The following TTC39C variants were observed in gnomAD, a reference collection of about 807,000 sequenced individuals.
The protein encoded by TTC39C is tetratricopeptide repeat protein 39C.
Under a neutral mutation model 76.3 loss-of-function variants are expected in TTC39C, and 33 were observed. The ratio of observed to expected loss-of-function variants is 0.43; its 90% CI spans 0.33 to 0.58. TTC39C has a LOEUF of 0.58. Ranked by LOEUF, TTC39C falls within the 20% of genes least tolerant of loss-of-function variation. The pLI, the probability that TTC39C is intolerant of heterozygous loss-of-function variation, is 0.04. For missense variants in TTC39C, 595 were observed against 701.4 expected (o/e 0.85, Z 1.71); for synonymous variants, 254 against 260.6 (o/e 0.97, Z 0.24).
At chr18:24,112,430 AACTTT>A (rs1322547815) in intron 6 of TTC39C, among the ~76,000 whole-genome samples, 2 of 152,202 alleles carry the variant, frequency 1.3e-5, no homozygotes, top group Non-Finnish European at 2.9e-5. Flanking sequence ...AACTTCTTTG[AACTTT>A]ACTTTCTTCA....
chr18:24,107,891 G>GGC (rs944941025), intron 6 of TTC39C, among the ~76,000 whole-genome samples: 3 of 145,352 alleles, frequency 2.1e-5, no homozygotes, highest in East Asian at 4.3e-4. Context: ...CCCAAGTAGG[G>GGC]GGGGGGGTAC....
At chr18:24,124,001 C>T (rs1463161044) in intron 9 of TTC39C, 58 bp downstream of exon 9, 12 of 1,313,940 alleles carry the variant, frequency 9.1e-6, no homozygotes, top group Middle Eastern at 2.1e-4. Context: ...GTAACCAACA[C>T]TGCCTTGGCA....
At chr18:24,128,169 T>A (rs4800547) in intron 10 of TTC39C, among the ~76,000 whole-genome samples, 2 of 152,028 alleles carry the variant, frequency 1.3e-5, no homozygotes, top group Non-Finnish European at 2.9e-5. Context: ...TCAATAAATA[T>A]TGAATGAATG....
intron 1 of TTC39C, among the ~76,000 whole-genome samples, chr18:24,059,624 A>G (rs2084065415): frequency 6.6e-6 from 1 of 152,202 alleles, no homozygotes; most frequent in Non-Finnish European, 1.5e-5. Flanking sequence ...ATTGATGGGC[A>G]TTTCGGTTGA....
intron 1 of TTC39C, among the ~76,000 whole-genome samples, chr18:24,045,914 TATATATATATATA>T (rs1390702135): frequency 2.0e-3 from 62 of 31,080 alleles, no homozygotes; most frequent in African/African-American, 6.0e-3. Context: ...TATATATATA[TATATATATATATA>T]TTTTTTTTTT....
chr18:24,045,285 C>A (rs368576939), intron 1 of TTC39C, among the ~76,000 whole-genome samples: 5 of 28,866 alleles, frequency 1.7e-4, no homozygotes, highest in African/African-American at 3.5e-4. Context: ...AAAAAAAAAG[C>A]ATGTAGCGTG....
At chr18:24,022,842 A>G (rs1226232179) in intron 1 of TTC39C, 1 of 985,332 alleles carries the variant, frequency 1.0e-6, no homozygotes. Context: ...TACGTCATCC[A>G]GCCAGGTATA....
intron 1 of TTC39C, among the ~76,000 whole-genome samples, chr18:24,045,292 C>T (rs1386429566): frequency 3.0e-5 from 4 of 133,320 alleles, no homozygotes; most frequent in East Asian, 2.1e-4. Flanking sequence ...AAGCATGTAG[C>T]GTGTCCAACC....
intron 6 of TTC39C, among the ~76,000 whole-genome samples, chr18:24,089,741 G>A (rs1350897830): frequency 6.6e-6 from 1 of 152,150 alleles, no homozygotes; most frequent in Non-Finnish European, 1.5e-5. Context: ...CTAAGGGTAG[G>A]GGGCAAAAGC....
At chr18:24,108,774 A>T (rs7241009) in intron 6 of TTC39C, among the ~76,000 whole-genome samples, 151,278 of 152,294 alleles carry the variant, frequency 0.99, 75,144 homozygotes, top group Middle Eastern at 1. Flanking sequence ...AACACGCATG[A>T]GTTTGTTTGG....
Position 24,135,064 on chromosome 18 carries a change from G to A in TTC39C, c.*2490G>A, listed in dbSNP as rs1433527424. ...GTTGCCCAGGCTGGAGTGCAGTGGT[G>A]TGATCTGTGCTCACTGCAACCTCTG... is the stretch of plus-strand genomic sequence containing the variant. On this transcript the variant is annotated 3_prime_UTR_variant, in exon 14 of 14. Transcript: ENST00000317571. The A allele has an allele frequency of 6.6e-6, 1 of 152,038 alleles. No homozygotes were observed. Among genetic ancestry groups the A allele is most frequent in the Non-Finnish European group, 1.5e-5 (1 of 68,024 alleles). 9.4% of individuals were successfully genotyped at this position (152,038 alleles called of 1,614,324 possible).
chr18:24,012,514 C>T (rs1241523411), upstream of TTC39C, among the ~76,000 whole-genome samples: 1 of 152,214 alleles, frequency 6.6e-6, no homozygotes, highest in Non-Finnish European at 1.5e-5. Flanking sequence ...AACTCATAAA[C>T]ATAGTGTCAT....
At chr18:24,019,119 C>T (rs1267089162) in intron 1 of TTC39C, among the ~76,000 whole-genome samples, 1 of 152,146 alleles carries the variant, frequency 6.6e-6, no homozygotes, top group African/African-American at 2.4e-5. Context: ...AGTAATGAAG[C>T]ACATGGAGGC....
At chr18:24,109,423 A>C (rs1946410351) in intron 6 of TTC39C, among the ~76,000 whole-genome samples, 1 of 152,140 alleles carries the variant, frequency 6.6e-6, no homozygotes, top group African/African-American at 2.4e-5. Flanking sequence ...CCTAGGTTCA[A>C]ACTTGTGTTG....
chr18:24,047,808 A>G (rs996660627), intron 1 of TTC39C, among the ~76,000 whole-genome samples: 1 of 152,244 alleles, frequency 6.6e-6, no homozygotes, highest in Non-Finnish European at 1.5e-5. Flanking sequence ...ATAAAATATA[A>G]CAGCTCTGTA....
chr18:24,130,043 C>T (rs182450352), intron 11 of TTC39C, among the ~76,000 whole-genome samples: 1 of 152,130 alleles, frequency 6.6e-6, no homozygotes, highest in African/African-American at 2.4e-5. Flanking sequence ...AAGATGTTCT[C>T]AGTGATAAAA....
intron 10 of TTC39C, 72 bp from the exon 11 acceptor site, chr18:24,128,814 A>G (rs1395970655): frequency 3.3e-6 from 4 of 1,200,714 alleles, no homozygotes; most frequent in African/African-American, 3.1e-5. Context: ...CATTTACCTC[A>G]CTCTTCATGA....
At chr18:24,019,678 A>C (rs751906755) in intron 1 of TTC39C, among the ~76,000 whole-genome samples, 5 of 152,264 alleles carry the variant, frequency 3.3e-5, no homozygotes, top group Non-Finnish European at 5.9e-5. Context: ...TTGGTAAACT[A>C]TGGCCCGTGG....
intron 6 of TTC39C, among the ~76,000 whole-genome samples, chr18:24,111,923 A>ATAT (rs1555777230): frequency 2.7e-5 from 4 of 150,262 alleles, no homozygotes; most frequent in East Asian, 2.0e-4. Flanking sequence ...ATATATATAT[A>ATAT]TTTTTTTTGG....
Sources: gnomAD v4.1 joint callset for allele counts (sites outside exome capture counted in the v4.1 genomes callset) on GRCh38, gnomAD v4.1.1 for gene constraint, MANE v1.5 for transcripts, NCBI Gene and HGNC (gene_info 2026-07-23, HGNC 2026-07-21) for gene names.